Variants in PRMT3 observed in about 807,000 individuals in gnomAD.
The protein encoded by PRMT3 is protein arginine methyltransferase 3, also known as protein arginine N-methyltransferase 3.
Under a neutral mutation model 71.9 loss-of-function variants are expected in PRMT3, and 62 were observed. The observed-to-expected ratio is 0.86, with a 90% CI of 0.70 to 1.07. The LOEUF (loss-of-function observed/expected upper bound fraction) is 1.07. PRMT3 is among the 50% of genes least tolerant of loss of function. The probability of loss-of-function intolerance (pLI) is 0.00; values close to 1 mark genes in which losing one functional copy is unlikely to be tolerated. For missense variants in PRMT3, 663 were observed against 643.0 expected (o/e 1.03, Z -0.34); for synonymous variants, 213 against 220.4 (o/e 0.97, Z 0.30).
intron 9 of PRMT3, among the ~76,000 whole-genome samples, chr11:20,416,840 G>A (rs1180712675): frequency 2.6e-5 from 4 of 152,092 alleles, no homozygotes; most frequent in Non-Finnish European, 4.4e-5. Context: ...CTCATGGGAT[G>A]TGTGTAAATC....
At chr11:20,463,057 G>C (rs1219847031) in intron 12 of PRMT3, among the ~76,000 whole-genome samples, 1 of 152,038 alleles carries the variant, frequency 6.6e-6, no homozygotes, top group East Asian at 1.9e-4. Flanking sequence ...GTAGAGATGG[G>C]GTTTCACCGT....
chr11:20,490,760 T>C (rs1258715304), intron 13 of PRMT3, among the ~76,000 whole-genome samples: 1 of 152,170 alleles, frequency 6.6e-6, no homozygotes, highest in Non-Finnish European at 1.5e-5. Context: ...TTTTAAAAGG[T>C]ACACTAAAAA....
chr11:20,488,635 A>G (rs1464992392), intron 13 of PRMT3, among the ~76,000 whole-genome samples: 1 of 152,182 alleles, frequency 6.6e-6, no homozygotes, highest in African/African-American at 2.4e-5. Flanking sequence ...CAGAAATGAT[A>G]AATTACTCCC....
rs1332372470 is a variant in PRMT3, at chr11:20,504,707, T to TGTGTGTGA, written c.1487-3596_1487-3595insTGTGTGAG. Among the ~76,000 whole-genome samples the TGTGTGTGA allele has an allele frequency of 3.7e-3, 490 of 133,634 alleles. 5 individuals are homozygous for TGTGTGTGA. Among genetic ancestry groups the TGTGTGTGA allele is most frequent in the African/African-American group, 0.014 (470 of 33,118 alleles). 87.7% of individuals were successfully genotyped at this position (133,634 alleles called of 152,430 possible). On this transcript the variant is annotated intron_variant, in intron 15 of 15. Transcript: ENST00000331079. ...TATTGTATGTGTGTGTGTGTGTGTG[T>TGTGTGTGA]GAGAGAGAGAGAGAGAGAGAGAGAG... is the stretch of plus-strand genomic sequence containing the variant.
chr11:20,404,425 G>T (rs1377119256), intron 8 of PRMT3, among the ~76,000 whole-genome samples: 1 of 151,150 alleles, frequency 6.6e-6, no homozygotes, highest in Non-Finnish European at 1.5e-5. Context: ...ATAGAGACGG[G>T]GTTTCACCAT....
At chr11:20,405,663 T>C (rs1021351634) in intron 8 of PRMT3, 1 of 152,224 alleles carries the variant, frequency 6.6e-6, no homozygotes, top group African/African-American at 2.4e-5. Flanking sequence ...TATGAATGTA[T>C]GTATGGATAG....
intron 13 of PRMT3, among the ~76,000 whole-genome samples, chr11:20,465,574 T>C (rs982462835): frequency 4.6e-5 from 7 of 152,044 alleles, no homozygotes; most frequent in Non-Finnish European, 8.8e-5. Flanking sequence ...GATTCAGTGA[T>C]TATTTTATAT....
At chr11:20,488,311 C>T (rs555559671) in intron 13 of PRMT3, among the ~76,000 whole-genome samples, 59 of 152,202 alleles carry the variant, frequency 3.9e-4, no homozygotes, top group African/African-American at 1.3e-3. Context: ...TTTGTATTTT[C>T]ATCTCCTTGG....
At chr11:20,470,567 G>A (rs188453757) in intron 13 of PRMT3, among the ~76,000 whole-genome samples, 11 of 152,224 alleles carry the variant, frequency 7.2e-5, no homozygotes, top group East Asian at 5.8e-4. Context: ...ACATGATCTC[G>A]TTCCTTTTTA....
At chr11:20,422,240 C>G (rs1849443083) in intron 9 of PRMT3, among the ~76,000 whole-genome samples, 1 of 151,872 alleles carries the variant, frequency 6.6e-6, no homozygotes, top group Admixed American at 6.6e-5. Flanking sequence ...GAGTTTATGC[C>G]AACAGTGAAT....
intron 3 of PRMT3, 149 bp from the exon 4 acceptor site, chr11:20,392,062 C>G (rs563705341): frequency 4.5e-6 from 3 of 666,686 alleles, no homozygotes; most frequent in Non-Finnish European, 2.4e-6. Context: ...TGTATTACTA[C>G]TTCTAATTCT....
In PRMT3 at chr11:20,400,307, T is replaced by C. The variant is rs534434227; in HGVS notation, c.705+2586T>C. ...ATGACACTATTTTTGGTACATGTTT[T>C]AATTATAATTTTAAATAAAAGTAGC... is the stretch of plus-strand genomic sequence containing the variant. On this transcript the variant is annotated intron_variant, in intron 7 of 15. Transcript: ENST00000331079. Among the ~76,000 whole-genome samples, 3 of 152,334 alleles carry C rather than the reference T, an allele frequency of 2.0e-5. No individual in the cohort carries two copies. The South Asian group carries it at 6.2e-4, about 32-fold the overall frequency.
Position 20,395,881 on chromosome 11 carries a change from A to C in PRMT3, c.479A>C (p.Glu160Ala). 1 of 1,614,158 alleles carries C rather than the reference A, an allele frequency of 6.2e-7. No individual in the cohort carries two copies. Among genetic ancestry groups the C allele is most frequent in the Non-Finnish European group, 8.5e-7 (1 of 1,180,022 alleles). ...NGLSENTSVV[E>A]KLKHMEARAL... ...CTCAGTGAAAATACATCTGTTGTTG[A>C]AAAATTGAAACATATGGAAGCCAGG... is the stretch of plus-strand genomic sequence containing the variant. Residue 160 changes from glutamate (E) to alanine (A), a missense_variant, in exon 6 of 16, where the codon GAA (glutamate) becomes GCA (alanine). Glu to Ala is a moderately radical substitution (Grantham distance 107). Coordinates refer to ENST00000331079, the MANE Select transcript of PRMT3 (RefSeq NM_005788.4).
At chr11:20,455,379 A>G (rs1366936509) in intron 11 of PRMT3, among the ~76,000 whole-genome samples, 1 of 152,156 alleles carries the variant, frequency 6.6e-6, no homozygotes, top group East Asian at 1.9e-4. Flanking sequence ...ATTATTAAGT[A>G]CATTTAGCAC....
chr11:20,388,694 G>T lies in PRMT3; in HGVS notation c.164+540G>T, dbSNP rs192716906. 1.6e-4 allele frequency among the ~76,000 whole-genome samples: 24 copies of T among 152,318 alleles called. No individual in the cohort carries two copies. In the East Asian group the frequency reaches 4.6e-3, roughly 29 times the overall value. ...GCGGTTTCCATAGTCTAAGAAGGAA[G>T]TTCACCTTACTTAAGTAGGACTTTT... is the stretch of plus-strand genomic sequence containing the variant. On this transcript the variant is annotated intron_variant, in intron 2 of 15. Coordinates refer to ENST00000331079, the MANE Select transcript of PRMT3 (RefSeq NM_005788.4).
chr11:20,404,265 C>G (rs538943652), intron 8 of PRMT3, among the ~76,000 whole-genome samples: 17 of 104,672 alleles, frequency 1.6e-4, no homozygotes, highest in African/African-American at 6.3e-4. Context: ...GACAGAGTCT[C>G]GCTTTGTCGC....
At chr11:20,436,341 A>G (rs1849760621) in intron 10 of PRMT3, among the ~76,000 whole-genome samples, 1 of 152,210 alleles carries the variant, frequency 6.6e-6, no homozygotes, top group Non-Finnish European at 1.5e-5. Flanking sequence ...AAAAGTGGTG[A>G]AAGTGGACAT....
chr11:20,400,432 G>T (rs1056765690), intron 7 of PRMT3, among the ~76,000 whole-genome samples: 4 of 152,080 alleles, frequency 2.6e-5, no homozygotes, highest in African/African-American at 9.7e-5. Flanking sequence ...AGAATTCCTT[G>T]CCACTTTATC....
chr11:20,505,736 T>A (rs2133710265), intron 15 of PRMT3, among the ~76,000 whole-genome samples: 1 of 152,234 alleles, frequency 6.6e-6, no homozygotes, highest in South Asian at 2.1e-4. Context: ...ATACTAATGA[T>A]CTTTTATTTC....
Sources: allele counts gnomAD v4.1 joint callset (sites outside exome capture counted in the v4.1 genomes callset), GRCh38; gene constraint gnomAD v4.1.1; transcripts MANE v1.5; gene names NCBI Gene and HGNC (gene_info 2026-07-23, HGNC 2026-07-21).